Variants in STK33 observed in about 807,000 individuals in gnomAD.
The protein encoded by STK33 is serine/threonine-protein kinase 33.
STK33 carries 52 observed loss-of-function variants against 58.0 expected under a neutral mutation model. The observed-to-expected ratio is 0.90, with a 90% CI of 0.72 to 1.13. The LOEUF (loss-of-function observed/expected upper bound fraction) is 1.13. Among genes scored for constraint, STK33 ranks in the 50% most tolerant of loss-of-function variants. The pLI, the probability that STK33 is intolerant of heterozygous loss-of-function variation, is 0.00. For missense variants in STK33, 630 were observed against 604.2 expected (o/e 1.04, Z -0.45); for synonymous variants, 215 against 200.1 (o/e 1.07, Z -0.63).
At chr11:8,408,818 C>T (rs1232118739) in intron 15 of STK33, among the ~76,000 whole-genome samples, 1 of 152,194 alleles carries the variant, frequency 6.6e-6, no homozygotes, top group Non-Finnish European at 1.5e-5. Flanking sequence ...AAACCACGAG[C>T]AAGCTTCCAA....
intron 11 of STK33, among the ~76,000 whole-genome samples, chr11:8,441,305 T>G (rs957533283): frequency 6.6e-6 from 1 of 151,608 alleles, no homozygotes; most frequent in Non-Finnish European, 1.5e-5. Context: ...AAAAGCCAAC[T>G]AGTCACAGGA....
At chr11:8,456,669 G>C (rs950149387) in intron 9 of STK33, among the ~76,000 whole-genome samples, 1 of 152,142 alleles carries the variant, frequency 6.6e-6, no homozygotes, top group Non-Finnish European at 1.5e-5. Flanking sequence ...AAAAACGGGG[G>C]GAGGAGCAGC....
intron 1 of STK33, among the ~76,000 whole-genome samples, chr11:8,497,431 T>C (rs1951149240): frequency 6.6e-6 from 1 of 152,196 alleles, no homozygotes; most frequent in Non-Finnish European, 1.5e-5. Flanking sequence ...ACAGAAACCA[T>C]GGAGGCCAGA....
At chr11:8,462,583 G>A (rs1947692248) in intron 7 of STK33, among the ~76,000 whole-genome samples, 1 of 151,910 alleles carries the variant, frequency 6.6e-6, no homozygotes, top group Non-Finnish European at 1.5e-5. Flanking sequence ...AACAGGGAGA[G>A]AGACGGAAAG....
At chr11:8,405,267 T>C (rs941342191) in intron 15 of STK33, among the ~76,000 whole-genome samples, 1 of 152,246 alleles carries the variant, frequency 6.6e-6, no homozygotes, top group African/African-American at 2.4e-5. Flanking sequence ...GTTTTTAATT[T>C]TGGCCGTTCT....
chr11:8,565,171 A>T (rs973859276), intron 1 of STK33, among the ~76,000 whole-genome samples: 4 of 152,166 alleles, frequency 2.6e-5, no homozygotes, highest in Non-Finnish European at 5.9e-5. Context: ...AAAAAATAAC[A>T]AAGTAGTGAA....
intron 1 of STK33, among the ~76,000 whole-genome samples, chr11:8,573,242 T>A (rs1305525270): frequency 6.6e-6 from 1 of 152,050 alleles, no homozygotes; most frequent in Non-Finnish European, 1.5e-5. Context: ...TGTCTAAAAC[T>A]CAACCTTAAA....
At chr11:8,350,526 C>A in the STK33 span, among the ~76,000 whole-genome samples, 1 of 152,188 alleles carries the variant, frequency 6.6e-6, no homozygotes, top group Non-Finnish European at 1.5e-5. Flanking sequence ...CACATCTCAC[C>A]TTCCCGTGCA....
rs1949119954 is a variant in STK33 at position 8,474,858 on chromosome 11, A to T, written c.48T>A (p.Cys16Ter). Residue 16 changes from cysteine to a stop codon, truncating the protein, a stop_gained, in exon 5 of 16, where the codon TGT becomes TGA. Coordinates refer to ENST00000687296, the MANE Select transcript of STK33 (RefSeq NM_001352389.2). LOFTEE classifies it high-confidence loss of function. ...GTACATCTTTCTGAGAAGCAGATGA[A>T]CAGTCGGGGCATTTTGTGGATTTTT... ...LDKKSTKCPD[C>*]SSASQKDVLC... The T allele has an allele frequency of 6.2e-7, 1 of 1,607,594 alleles. No individual in the cohort carries two copies. The highest frequency in any genetic ancestry group is 2.2e-5 in the East Asian group (1 of 44,622).
chr11:8,588,699 A>G (rs1037231352), intron 1 of STK33, among the ~76,000 whole-genome samples: 4 of 152,208 alleles, frequency 2.6e-5, no homozygotes, highest in African/African-American at 9.6e-5. Context: ...TTTGTGCTTC[A>G]AGGAACACTA....
intron 8 of STK33, 27 bp from the exon 9 acceptor site, chr11:8,457,506 G>C (rs201832685): frequency 2.6e-6 from 4 of 1,537,754 alleles, no homozygotes; most frequent in Non-Finnish European, 3.5e-6. Context: ...AAAAGAGAGA[G>C]AGAGCAAATT....
At chr11:8,576,425 T>C (rs1416675354) in intron 1 of STK33, among the ~76,000 whole-genome samples, 2 of 152,182 alleles carry the variant, frequency 1.3e-5, no homozygotes, top group Non-Finnish European at 2.9e-5. Context: ...TCTAATGTAA[T>C]AAGAAGAAAT....
chr11:8,548,271 AT>A (rs1323887072), intron 1 of STK33, among the ~76,000 whole-genome samples: 19 of 151,896 alleles, frequency 1.3e-4, no homozygotes, highest in African/African-American at 4.3e-4. Flanking sequence ...TAATGCATTT[AT>A]TTTGTTTTTG....
At chr11:8,505,327 G>C (rs1051672678) in intron 1 of STK33, among the ~76,000 whole-genome samples, 1 of 152,220 alleles carries the variant, frequency 6.6e-6, no homozygotes, top group Non-Finnish European at 1.5e-5. Context: ...GAATGTTAAA[G>C]TTGGAAGGAG....
At chr11:8,433,395 G>T (rs1375474211) in intron 14 of STK33, among the ~76,000 whole-genome samples, 1 of 152,162 alleles carries the variant, frequency 6.6e-6, no homozygotes, top group Non-Finnish European at 1.5e-5. Context: ...AAGACATGTT[G>T]CTGGGACCTC....
chr11:8,524,860 A>G (rs1011986415), intron 1 of STK33, among the ~76,000 whole-genome samples: 2 of 151,792 alleles, frequency 1.3e-5, no homozygotes, highest in African/African-American at 4.8e-5. Flanking sequence ...TAATAATAAT[A>G]GTAATAATAA....
the STK33 span, among the ~76,000 whole-genome samples, chr11:8,362,922 C>CTCCT: frequency 2.3e-5 from 3 of 128,596 alleles, no homozygotes; most frequent in African/African-American, 8.7e-5. Context: ...TCCTTCCTCC[C>CTCCT]TCCTTTCCTT....
intron 14 of STK33, among the ~76,000 whole-genome samples, chr11:8,429,716 C>A (rs576873474): frequency 6.6e-6 from 1 of 152,134 alleles, no homozygotes; most frequent in African/African-American, 2.4e-5. Context: ...AACTCACTAA[C>A]TGATAGAGTC....
intron 6 of STK33, among the ~76,000 whole-genome samples, chr11:8,468,072 C>G (rs1316759071): frequency 6.6e-6 from 1 of 152,084 alleles, no homozygotes; most frequent in Non-Finnish European, 1.5e-5. Context: ...GGGCAATTTA[C>G]AAAATAAAGA....
Sources: gnomAD v4.1 joint callset for allele counts (sites outside exome capture counted in the v4.1 genomes callset) on GRCh38, gnomAD v4.1.1 for gene constraint, MANE v1.5 for transcripts, NCBI Gene and HGNC (gene_info 2026-07-23, HGNC 2026-07-21) for gene names.